COL14A1: variants seen among roughly 807,000 people sequenced by gnomAD.
The protein encoded by COL14A1 is collagen alpha-1(XIV) chain.
Under a neutral mutation model 230.3 loss-of-function variants are expected in COL14A1, and 136 were observed. The observed-to-expected ratio is 0.59, with a 90% CI of 0.51 to 0.68. COL14A1 has a LOEUF of 0.68. Among genes scored for constraint, COL14A1 ranks in the 30% least tolerant of loss-of-function variants. The pLI, the probability that COL14A1 is intolerant of heterozygous loss-of-function variation, is 0.00. For missense variants in COL14A1, 1,976 were observed against 2,215.8 expected (o/e 0.89, Z 2.17); for synonymous variants, 792 against 784.1 (o/e 1.01, Z -0.17).
chr8:120,309,013 C>T (rs1820941230), intron 36 of COL14A1, among the ~76,000 whole-genome samples: 1 of 152,190 alleles, frequency 6.6e-6, no homozygotes, highest in Non-Finnish European at 1.5e-5. Flanking sequence ...CAGCTCACTG[C>T]AAGGTCCGCC....
At chr8:120,295,319 G>A (rs1462227809) in intron 34 of COL14A1, among the ~76,000 whole-genome samples, 1 of 151,618 alleles carries the variant, frequency 6.6e-6, no homozygotes, top group East Asian at 1.9e-4. Context: ...AAGAAAATGG[G>A]GCATGCCATT....
At chr8:120,181,544 T>C (rs960538023) in intron 5 of COL14A1, among the ~76,000 whole-genome samples, 9 of 152,280 alleles carry the variant, frequency 5.9e-5, no homozygotes, top group African/African-American at 1.9e-4. Flanking sequence ...TAAGTATAAG[T>C]ATACAATACA....
intron 5 of COL14A1, among the ~76,000 whole-genome samples, chr8:120,184,812 C>T (rs1816596180): frequency 6.6e-6 from 1 of 152,190 alleles, no homozygotes; most frequent in Non-Finnish European, 1.5e-5. Context: ...GCAGGCTTCT[C>T]TCTTACTCAG....
chr8:120,160,708 A>T (rs1815634461), intron 3 of COL14A1, among the ~76,000 whole-genome samples: 1 of 152,234 alleles, frequency 6.6e-6, no homozygotes, highest in Admixed American at 6.5e-5. Context: ...AAATACATTT[A>T]GCTGCAAAAT....
At chr8:120,251,731 T>C (rs1230403029) in intron 22 of COL14A1, among the ~76,000 whole-genome samples, 1 of 152,154 alleles carries the variant, frequency 6.6e-6, no homozygotes, top group Non-Finnish European at 1.5e-5. Context: ...TTTTTATTTT[T>C]TAATATATTA....
intron 14 of COL14A1, among the ~76,000 whole-genome samples, chr8:120,222,593 T>C (rs1005102402): frequency 6.6e-6 from 1 of 152,180 alleles, no homozygotes; most frequent in African/African-American, 2.4e-5. Flanking sequence ...TACAGTACAA[T>C]GACAGCTCTT....
chr8:120,133,442 A>G (rs1194405314), intron 1 of COL14A1, among the ~76,000 whole-genome samples: 2 of 152,128 alleles, frequency 1.3e-5, no homozygotes, highest in African/African-American at 2.4e-5. Context: ...ATAATTCACA[A>G]TGATCAAGTT....
chr8:120,215,436 AAAAAGAAAAG>A (rs796590411), intron 13 of COL14A1, among the ~76,000 whole-genome samples: 2 of 151,952 alleles, frequency 1.3e-5, no homozygotes, highest in Non-Finnish European at 2.9e-5. Context: ...AGGGAGGGGA[AAAAAGAAAAG>A]AAAAGAAAAG....
rs765391958 is a variant in COL14A1, at chr8:120,212,410, GTA to G, written c.1468-36_1468-35del. 1.9e-6 allele frequency: 3 copies of G among 1,607,322 alleles called. No individual in the cohort carries two copies. In the South Asian group the frequency reaches 3.3e-5, roughly 18 times the overall value. On this transcript the variant is annotated intron_variant, in intron 12 of 47. Coordinates refer to ENST00000297848, the MANE Select transcript of COL14A1 (RefSeq NM_021110.4). ...CCACTCTGATCAGCATGAATAATAT[GTA>G]TTGGCAAATGATCTAACAACATGTG...
upstream of COL14A1, among the ~76,000 whole-genome samples, chr8:120,124,741 G>A (rs906287467): frequency 3.9e-5 from 6 of 152,192 alleles, no homozygotes; most frequent in Non-Finnish European, 7.3e-5. Flanking sequence ...TTTTGGAAAT[G>A]GGGAAGTGGG....
intron 38 of COL14A1, 151 bp from the exon 39 acceptor site, chr8:120,315,382 A>C (rs1821184912): frequency 2.5e-6 from 1 of 405,998 alleles, no homozygotes; most frequent in Admixed American, 4.3e-5. Context: ...AAAAAAAAAA[A>C]AAAAAAAAAA....
intron 25 of COL14A1, 92 bp downstream of exon 25, chr8:120,266,975 A>G (rs2129797406): frequency 8.8e-7 from 1 of 1,135,142 alleles, no homozygotes; most frequent in Non-Finnish European, 1.3e-6. Context: ...ATATTAATAA[A>G]GTATATTTAT....
chr8:120,267,925 G>A (rs1035655701), intron 25 of COL14A1, among the ~76,000 whole-genome samples: 5 of 151,764 alleles, frequency 3.3e-5, no homozygotes, highest in African/African-American at 1.2e-4. Flanking sequence ...TTAGAAGGTT[G>A]TATTGGAAGA....
intron 1 of COL14A1, among the ~76,000 whole-genome samples, chr8:120,130,412 TTTTC>T (rs1472388041): frequency 1.3e-5 from 2 of 152,158 alleles, no homozygotes; most frequent in African/African-American, 4.8e-5. Flanking sequence ...TCCCCTTATT[TTTTC>T]TTTGTTTCCT....
At chr8:120,168,050 G>C in intron 4 of COL14A1, 111 bp from the exon 5 acceptor site, 1 of 630,410 alleles carries the variant, frequency 1.6e-6, no homozygotes, top group Non-Finnish European at 2.7e-6. Flanking sequence ...GTACCACGGA[G>C]CTCATTTCTA....
In COL14A1 at chr8:120,300,899, A is replaced by G. The variant is rs570914389; in HGVS notation, c.4401+81A>G. ...CTTGTGTGTCTAATATGTGTTGTCT[A>G]CTGTACTAAATGGCTATTACTCACT... is the stretch of plus-strand genomic sequence containing the variant. On this transcript the variant is annotated intron_variant, in intron 36 of 47. Transcript: ENST00000297848. 9.6e-5 allele frequency: 106 copies of G among 1,101,380 alleles called. No homozygotes were observed. In the East Asian group the frequency reaches 2.5e-3, roughly 26 times the overall value. The allele number at this position is 1,101,380 out of a possible 1,614,324, so 68.2% of individuals were successfully genotyped here.
intron 1 of COL14A1, among the ~76,000 whole-genome samples, chr8:120,143,810 T>C (rs1299649623): frequency 1.3e-5 from 2 of 151,888 alleles, no homozygotes; most frequent in Admixed American, 1.3e-4. Flanking sequence ...TTATCAAAGA[T>C]CTTGAAATGG....
chr8:120,305,660 C>T (rs1820835636), intron 36 of COL14A1, among the ~76,000 whole-genome samples: 1 of 152,124 alleles, frequency 6.6e-6, no homozygotes, highest in Non-Finnish European at 1.5e-5. Flanking sequence ...TTTACATCCA[C>T]AACTTTAATT....
intron 2 of COL14A1, among the ~76,000 whole-genome samples, chr8:120,151,461 A>G (rs1026314873): frequency 1.3e-5 from 2 of 151,960 alleles, no homozygotes; most frequent in Non-Finnish European, 2.9e-5. Context: ...CAATATGGTG[A>G]AACCCCGTCT....
Sources: gnomAD v4.1 joint callset for allele counts (sites outside exome capture counted in the v4.1 genomes callset) on GRCh38, gnomAD v4.1.1 for gene constraint, MANE v1.5 for transcripts, NCBI Gene and HGNC (gene_info 2026-07-23, HGNC 2026-07-21) for gene names.